ZBTB20: variants seen among roughly 807,000 people sequenced by gnomAD.
The protein encoded by ZBTB20 is zinc finger and BTB domain containing 20.
ZBTB20 carries 9 observed loss-of-function variants against 56.9 expected under a neutral mutation model. That is an observed-to-expected ratio of 0.16 (90% CI 0.10 to 0.28). The LOEUF (loss-of-function observed/expected upper bound fraction) is 0.28, where lower values mean the gene tolerates loss of function less well. ZBTB20 is among the 10% of genes least tolerant of loss of function. The probability of loss-of-function intolerance (pLI) is 1.00; values close to 1 mark genes in which losing one functional copy is unlikely to be tolerated. For missense variants in ZBTB20, 655 were observed against 1,003.0 expected (o/e 0.65, Z 4.69); for synonymous variants, 417 against 420.7 (o/e 0.99, Z 0.11).
chr3:114,727,090 T>G (rs2065361923), intron 5 of ZBTB20, among the ~76,000 whole-genome samples: 1 of 151,948 alleles, frequency 6.6e-6, no homozygotes, highest in South Asian at 2.1e-4. Flanking sequence ...TAGAGAAACC[T>G]ACATGAAGAT....
chr3:114,477,929 G>T (rs1471438311), intron 7 of ZBTB20, among the ~76,000 whole-genome samples: 7 of 121,680 alleles, frequency 5.8e-5, no homozygotes, highest in South Asian at 2.7e-4. Flanking sequence ...TTCTTTCTCT[G>T]TCTCTCTCTC....
At chr3:114,699,661 G>C (rs909950455) in intron 5 of ZBTB20, among the ~76,000 whole-genome samples, 1 of 152,086 alleles carries the variant, frequency 6.6e-6, no homozygotes, top group African/African-American at 2.4e-5. Flanking sequence ...GTAGATATTA[G>C]TCAAAACCTT....
intron 2 of ZBTB20, among the ~76,000 whole-genome samples, chr3:115,045,358 A>G (rs1017202190): frequency 1.3e-5 from 2 of 152,116 alleles, no homozygotes; most frequent in African/African-American, 4.8e-5. Flanking sequence ...TTTTTTGTCT[A>G]TATAATTTTC....
Position 114,511,162 on chromosome 3 carries a change from T to C in ZBTB20, c.-294-10771A>G, listed in dbSNP as rs576328762. 4.0e-5 allele frequency among the ~76,000 whole-genome samples: 6 copies of C among 151,774 alleles called. No homozygotes were observed. The East Asian group carries it at 7.8e-4, about 20-fold the overall frequency. On this transcript the variant is annotated intron_variant, in intron 6 of 11. Transcript: ENST00000675478. ...GTATAGTATAGAGTGGTTTTTGTCA[T>C]GGCAAAGAAAAGAAATATAATTATC...
chr3:114,958,016 C>T (rs371526008), intron 3 of ZBTB20, among the ~76,000 whole-genome samples: 1 of 152,318 alleles, frequency 6.6e-6, no homozygotes, highest in South Asian at 2.1e-4. Flanking sequence ...ATGCATGTCA[C>T]TCCCCACACA....
chr3:114,454,348 C>T (rs2091869375), intron 7 of ZBTB20, among the ~76,000 whole-genome samples: 1 of 151,792 alleles, frequency 6.6e-6, no homozygotes, highest in Non-Finnish European at 1.5e-5. Flanking sequence ...CCCAGGGGTG[C>T]ACAAAGACAG....
intron 4 of ZBTB20, among the ~76,000 whole-genome samples, chr3:114,813,191 G>A (rs2108886904): frequency 6.6e-6 from 1 of 152,394 alleles, no homozygotes; most frequent in East Asian, 1.9e-4. Flanking sequence ...AGGACTGTGA[G>A]GACTGCCAGC....
intron 6 of ZBTB20, among the ~76,000 whole-genome samples, chr3:114,578,710 A>G (rs2054342059): frequency 6.6e-6 from 1 of 151,852 alleles, no homozygotes; most frequent in African/African-American, 2.4e-5. Context: ...ATAAATTGCT[A>G]TTTAAGATAA....
intron 6 of ZBTB20, chr3:114,624,835 CT>C (rs1168727410): frequency 1.3e-5 from 2 of 152,802 alleles, no homozygotes; most frequent in Non-Finnish European, 2.9e-5. Context: ...CCGACTACTG[CT>C]TGTTGAGGAC....
At chr3:114,604,451 T>C (rs924879973) in intron 6 of ZBTB20, among the ~76,000 whole-genome samples, 2 of 152,010 alleles carry the variant, frequency 1.3e-5, no homozygotes, top group Admixed American at 6.6e-5. Flanking sequence ...CGTTTTTACA[T>C]AGTTTTGATT....
At chr3:115,135,013 C>T (rs1391296995) in intron 1 of ZBTB20, among the ~76,000 whole-genome samples, 4 of 152,190 alleles carry the variant, frequency 2.6e-5, no homozygotes, top group African/African-American at 9.7e-5. Context: ...AGCGACACTT[C>T]GGTACTTAAA....
At chr3:114,395,217 A>T (rs1439074311) in intron 7 of ZBTB20, among the ~76,000 whole-genome samples, 2 of 152,168 alleles carry the variant, frequency 1.3e-5, no homozygotes, top group African/African-American at 4.8e-5. Flanking sequence ...AGGCACAGCA[A>T]ATTTCATAAA....
At chr3:115,003,119 C>T (rs889020794) in intron 2 of ZBTB20, among the ~76,000 whole-genome samples, 5 of 151,342 alleles carry the variant, frequency 3.3e-5, no homozygotes, top group East Asian at 2.0e-4. Context: ...CTATAGATAC[C>T]GTAAAAAAGA....
intron 5 of ZBTB20, among the ~76,000 whole-genome samples, chr3:114,800,691 A>G (rs2071641639): frequency 6.6e-6 from 1 of 151,900 alleles, no homozygotes; most frequent in Non-Finnish European, 1.5e-5. Flanking sequence ...TGACATCACA[A>G]AGGAAAATGA....
intron 6 of ZBTB20, among the ~76,000 whole-genome samples, chr3:114,525,394 G>C (rs969003315): frequency 6.6e-6 from 1 of 151,854 alleles, no homozygotes; most frequent in African/African-American, 2.4e-5. Flanking sequence ...CCATTTCACC[G>C]AGTAAAGTCA....
At chr3:114,973,295 G>A (rs934923572) in intron 3 of ZBTB20, among the ~76,000 whole-genome samples, 4 of 151,966 alleles carry the variant, frequency 2.6e-5, no homozygotes, top group Admixed American at 6.6e-5. Context: ...AGAAAATATC[G>A]TAATTAAGCC....
chr3:114,942,548 G>C (rs2107858979), intron 3 of ZBTB20, among the ~76,000 whole-genome samples: 1 of 145,588 alleles, frequency 6.9e-6, no homozygotes, highest in Non-Finnish European at 1.5e-5. Context: ...AATCAAATTA[G>C]CATCATAAGA....
chr3:114,585,091 C>T (rs2055042238), intron 6 of ZBTB20, among the ~76,000 whole-genome samples: 1 of 152,056 alleles, frequency 6.6e-6, no homozygotes, highest in Admixed American at 6.5e-5. Flanking sequence ...CTCTGGACTA[C>T]ACACTCGAGG....
At chr3:114,984,609 CT>C (rs1392973677) in intron 2 of ZBTB20, among the ~76,000 whole-genome samples, 1 of 152,032 alleles carries the variant, frequency 6.6e-6, no homozygotes, top group African/African-American at 2.4e-5. Flanking sequence ...TGTATTCTCT[CT>C]TCTCACTCTT....
Sources: gnomAD v4.1 joint callset for allele counts (sites outside exome capture counted in the v4.1 genomes callset) on GRCh38, gnomAD v4.1.1 for gene constraint, MANE v1.5 for transcripts, NCBI Gene and HGNC (gene_info 2026-07-23, HGNC 2026-07-21) for gene names.